BPIFB4: variants seen among roughly 807,000 people sequenced by gnomAD.
The protein encoded by BPIFB4 is BPI fold containing family B member 4.
BPIFB4 carries 62 observed loss-of-function variants against 69.2 expected under a neutral mutation model. The ratio of observed to expected loss-of-function variants is 0.90; its 90% confidence interval spans 0.73 to 1.11. The LOEUF (loss-of-function observed/expected upper bound fraction) is 1.11. Among genes scored for constraint, BPIFB4 ranks in the 50% least tolerant of loss-of-function variants. The probability of loss-of-function intolerance (pLI) is 0.00; values close to 1 mark genes in which losing one functional copy is unlikely to be tolerated. For missense variants in BPIFB4, 789 were observed against 792.0 expected (o/e 1.00, Z 0.04); for synonymous variants, 330 against 332.7 (o/e 0.99, Z 0.09).
At chr20:33,108,392 T>G (rs1982130651) in intron 17 of BPIFB4, among the ~76,000 whole-genome samples, 1 of 144,668 alleles carries the variant, frequency 6.9e-6, no homozygotes, top group Non-Finnish European at 1.5e-5. Context: ...TGGAAAAGAT[T>G]AAAAAAAAGT....
intron 7 of BPIFB4, among the ~76,000 whole-genome samples, chr20:33,087,466 G>A (rs1316321311): frequency 1.3e-5 from 2 of 152,020 alleles, no homozygotes; most frequent in Non-Finnish European, 2.9e-5. Context: ...CAAACATCGA[G>A]AGCTTCCTTG....
At chr20:33,097,832 CA>C in intron 13 of BPIFB4, 45 bp downstream of exon 13, 1 of 1,540,942 alleles carries the variant, frequency 6.5e-7, no homozygotes, top group Non-Finnish European at 8.8e-7. Context: ...GGCCTCAAGA[CA>C]GAGCCACATG....
chr20:33,111,107 C>T (rs574197821), intron 17 of BPIFB4, among the ~76,000 whole-genome samples: 3 of 152,252 alleles, frequency 2.0e-5, no homozygotes, highest in Admixed American at 1.3e-4. Context: ...TAAGCCACCA[C>T]GCCTGGCCAA....
chr20:33,107,734 T>A lies in BPIFB4; in HGVS notation c.1745-10T>A, dbSNP rs756152076. On this transcript the variant is annotated splice_polypyrimidine_tract_variant and intron_variant, in intron 16 of 17. Transcript: ENST00000375483. ...CCACTGACCATGTCTGACTGTTTTT[T>A]ATTTTACAGCTGTGCTGGGTTCTGG... 2 of 1,612,202 alleles carry A rather than the reference T, an allele frequency of 1.2e-6. No individual in the cohort carries two copies. The highest frequency in any genetic ancestry group is 1.7e-6 in the Non-Finnish European group (2 of 1,178,232).
chr20:33,102,978 C>A lies in BPIFB4; in HGVS notation c.1644C>A (p.Ser548Arg), dbSNP rs149487145. Reference protein sequence around the residue: ...LMIDAKLEKTSLNLRTSNVGN... With the variant: ...LMIDAKLEKTRLNLRTSNVGN... Reference sequence around the variant, plus strand: ...CTGTTTTCTTCGTCTACAGGACCAGCCTCAACCTCAGAACCTCAAACGTGG... The same window carrying A: ...CTGTTTTCTTCGTCTACAGGACCAGACTCAACCTCAGAACCTCAAACGTGG... The change falls in exon 15 of 18, where the codon AGC becomes AGA. Residue 548 changes from serine to arginine, a missense_variant. By Grantham distance (110) the Ser-to-Arg change is moderately radical. Transcript: ENST00000375483. 1 of 1,614,054 alleles carries A rather than the reference C, an allele frequency of 6.2e-7. No individual in the cohort carries two copies. The highest frequency in any genetic ancestry group is 8.5e-7 in the Non-Finnish European group (1 of 1,179,936).
In BPIFB4 at chr20:33,089,089, A is replaced by G; in HGVS notation, c.990+60A>G. ...CAGGCTTCCCCCAGACTGAGGGGCC[A>G]TAGTCCAGCCTCCATCCCTGGGGGC... On this transcript the variant is annotated intron_variant, in intron 8 of 17. Transcript: ENST00000375483. 14 of 1,611,232 alleles carry G rather than the reference A, an allele frequency of 8.7e-6. 1 individual carries two copies. In the South Asian group the frequency reaches 1.5e-4, roughly 18 times the overall value.
intron 15 of BPIFB4, 115 bp downstream of exon 15, chr20:33,103,129 A>G: frequency 8.4e-7 from 1 of 1,194,712 alleles, no homozygotes; most frequent in East Asian, 2.3e-5. Flanking sequence ...TGTGAATTCC[A>G]AAGTGCTCCC....
rs761886542 is a variant in BPIFB4 at position 33,082,947 on chromosome 20, G to T, written c.116G>T (p.Gly39Val). 59 of 1,613,250 alleles carry T rather than the reference G, an allele frequency of 3.7e-5. 1 individual carries two copies. The highest frequency in any genetic ancestry group is 5.0e-5 in the Non-Finnish European group (59 of 1,179,604). The stretch of plus-strand genomic sequence containing the variant: ...CCTTGCCTCTCTGCAGCCATTTCAG[G>T]CATGCTGCAGCAAAGTGATGCTCTC... ...TKDVLSNAIS[G>V]MLQQSDALHS... The change falls in exon 4 of 18, where the codon GGC becomes GTC. Residue 39 changes from glycine to valine, a missense_variant. By Grantham distance (109) the Gly-to-Val change is moderately radical. Around this residue, in one of 3 missense-constraint regions of BPIFB4, gnomAD observed 611 missense variants for 575.4 expected, o/e 1.06. Coordinates refer to ENST00000375483, the MANE Select transcript of BPIFB4 (RefSeq NM_182519.3).
intron 6 of BPIFB4, among the ~76,000 whole-genome samples, chr20:33,085,773 G>A (rs185592477): frequency 6.6e-6 from 1 of 152,332 alleles, no homozygotes; most frequent in African/African-American, 2.4e-5. Context: ...TAGGCAATTG[G>A]GAGTCACCTT....
rs767891631 is a variant in BPIFB4, at chr20:33,083,605, C to T, written c.408C>T (p.Leu136=). ...AENAYGGHRG[L]GRYRAAPVGR... ...ATGCATATGGAGGCCACAGGGGCCT[C>T]GGGCGATACAGGGCAGCACCTGTGG... Residue 136 remains leucine, a synonymous_variant, in exon 5 of 18, where the codon CTC becomes CTT. Coordinates refer to ENST00000375483, the MANE Select transcript of BPIFB4 (RefSeq NM_182519.3). The T allele has an allele frequency of 1.9e-6, 3 of 1,613,896 alleles. No individual in the cohort carries two copies. Among genetic ancestry groups the T allele is most frequent in the African/African-American group, 1.3e-5 (1 of 74,856 alleles).
rs746245049 is a variant in BPIFB4 at position 33,104,616 on chromosome 20, T to C, written c.1681-194T>C. On this transcript the variant is annotated intron_variant, in intron 15 of 17. Transcript: ENST00000375483. ...GGCCTCAGTCTGCCCATCTGCACAA[T>C]GTGCAAGTTGATGGGGGGCACCTTA... 6.0e-4 allele frequency: 334 copies of C among 560,098 alleles called. 4 individuals are homozygous for C. The highest frequency in any genetic ancestry group is 3.3e-3 in the Middle Eastern group (7 of 2,120). The allele number at this position is 560,098 out of a possible 1,614,324, so 34.7% of individuals were successfully genotyped here. A position where few individuals can be genotyped will look rare whatever the true frequency, so the allele number is the denominator to read the frequency against.
intron 13 of BPIFB4, among the ~76,000 whole-genome samples, chr20:33,098,746 A>G (rs1441294856): frequency 1.6e-5 from 1 of 63,970 alleles, no homozygotes; most frequent in Admixed American, 1.7e-4. Context: ...CTCCATCTCA[A>G]AAAAAAAAAA....
At chr20:33,080,190 T>G (rs74921594) in intron 1 of BPIFB4, among the ~76,000 whole-genome samples, 10 of 151,876 alleles carry the variant, frequency 6.6e-5, no homozygotes, top group African/African-American at 1.5e-4. Flanking sequence ...GGAAAGAATT[T>G]GGGGGCGCTG....
At chr20:33,082,916 T>C (rs768990981) in intron 3 of BPIFB4, 22 bp from the exon 4 acceptor site, 11 of 1,607,014 alleles carry the variant, frequency 6.8e-6, no homozygotes, top group Non-Finnish European at 8.5e-6. Flanking sequence ...AACCCTGGAC[T>C]GATGCCCTTG....
Position 33,092,674 on chromosome 20 carries a change from A to G in BPIFB4, c.1344+16A>G. 3.8e-6 allele frequency: 6 copies of G among 1,598,298 alleles called. No individual in the cohort carries two copies. The highest frequency in any genetic ancestry group is 5.1e-6 in the Non-Finnish European group (6 of 1,172,930). On this transcript the variant is annotated intron_variant, in intron 11 of 17. Coordinates refer to ENST00000375483, the MANE Select transcript of BPIFB4 (RefSeq NM_182519.3). ...CAATGGCATGGTGAGTCACAGCCCC[A>G]CCAGGGGGAGGTGGCTGGGCAGCAG... is the stretch of plus-strand genomic sequence containing the variant.
At chr20:33,107,247 G>T (rs889585227) in intron 16 of BPIFB4, among the ~76,000 whole-genome samples, 9 of 104,188 alleles carry the variant, frequency 8.6e-5, no homozygotes, top group African/African-American at 2.6e-4. Context: ...GGAAAGAAAA[G>T]AAAAGAAAAG....
rs575666496 is a variant in BPIFB4, at chr20:33,090,772, C to T, written c.1116C>T (p.Thr372=). The change falls in exon 10 of 18, where the codon ACC becomes ACT. Residue 372 remains threonine (T), a synonymous_variant. Transcript: ENST00000375483. ...QYTFSSLPLV[T]GEFLELDLNT... is the part of the protein sequence containing the mutation. ...CCTTCTCCAGCCTCCCGCTTGTGAC[C>T]GGGGAATTCCTGGAGCTGGACCTCA... 2.1e-5 allele frequency: 34 copies of T among 1,614,146 alleles called. No individual in the cohort carries two copies. In the African/African-American group the frequency reaches 2.5e-4, roughly 12 times the overall value.
At chr20:33,110,644 C>A (rs1256631458) in intron 17 of BPIFB4, among the ~76,000 whole-genome samples, 1 of 152,028 alleles carries the variant, frequency 6.6e-6, no homozygotes, top group East Asian at 1.9e-4. Flanking sequence ...TTCTCCAATT[C>A]CTTTGACATG....
chr20:33,083,211 G>A (rs1286873116), intron 4 of BPIFB4, among the ~76,000 whole-genome samples, 156 bp from the exon 5 acceptor site: 1 of 120,076 alleles, frequency 8.3e-6, no homozygotes, highest in Non-Finnish European at 1.7e-5. Flanking sequence ...AGTGGTGGGG[G>A]GTTGCTGGGT....
Sources: gnomAD v4.1 joint callset for allele counts (sites outside exome capture counted in the v4.1 genomes callset) on GRCh38, gnomAD v4.1.1 for gene constraint, gnomAD v4.1.1 regional missense constraint, MANE v1.5 for transcripts, NCBI Gene and HGNC (gene_info 2026-07-23, HGNC 2026-07-21) for gene names.